The following MYO9B variants were observed in gnomAD, a reference collection of about 807,000 sequenced individuals.
The protein encoded by MYO9B is myosin IXB.
Under a neutral mutation model 229.5 loss-of-function variants are expected in MYO9B, and 71 were observed. That is an observed-to-expected ratio of 0.31 (90% CI 0.26 to 0.38). MYO9B has a LOEUF of 0.38. Among genes scored for constraint, MYO9B ranks in the 10% least tolerant of loss-of-function variants. The pLI is 1.00. For missense variants in MYO9B, 2,255 were observed against 2,920.5 expected (o/e 0.77, Z 5.25); for synonymous variants, 1,185 against 1,235.8 (o/e 0.96, Z 0.86).
In MYO9B at chr19:17,211,663, C is replaced by A; in HGVS notation, c.5947C>A (p.Arg1983=). The A allele has an allele frequency of 6.2e-7, 1 of 1,606,470 alleles. No individual in the cohort carries two copies. Among genetic ancestry groups the A allele is most frequent in the South Asian group, 1.1e-5 (1 of 90,614 alleles). Residue 1983 remains arginine, a synonymous_variant, in exon 39 of 40, where the codon CGG becomes AGG. Transcript: ENST00000682292. ...IKEEKEDITY[R]LPELDPRGSD... The stretch of plus-strand genomic sequence containing the variant: ...TTCCTCCAGGGAGGACATCACCTAC[C>A]GGCTGCCGGAGCTGGACCCAAGGGG...
Position 17,185,934 on chromosome 19 carries a change from A to G in MYO9B, c.2510A>G (p.Lys837Arg), listed in dbSNP as rs1385541490. ...TTCCCTTAACAGACATCCCTTAACAAGCTCTTGGAGGCACTGGGGAAGGCG... is the reference window on the plus strand; with the variant it reads ...TTCCCTTAACAGACATCCCTTAACAGGCTCTTGGAGGCACTGGGGAAGGCG... Reference protein sequence around the residue: ...ISAQFQTSLNKLLEALGKAEP... With the variant: ...ISAQFQTSLNRLLEALGKAEP... Residue 837 changes from lysine (K) to arginine (R), a missense_variant, in exon 18 of 40, where the codon AAG becomes AGG. By Grantham distance (26) the Lys-to-Arg change is conservative (BLOSUM62 2). Coordinates refer to ENST00000682292, the MANE Select transcript of MYO9B (RefSeq NM_004145.4). 1.2e-6 allele frequency: 2 copies of G among 1,613,824 alleles called. No individual in the cohort carries two copies. The highest frequency in any genetic ancestry group is 2.2e-5 in the East Asian group (1 of 44,872).
chr19:17,101,729 A>C lies in MYO9B; in HGVS notation c.12A>C (p.Lys4Asn). 1 of 1,579,834 alleles carries C rather than the reference A, an allele frequency of 6.3e-7. No individual in the cohort carries two copies. The highest frequency in any genetic ancestry group is 8.6e-7 in the Non-Finnish European group (1 of 1,169,220). The change falls in exon 2 of 40, where the codon AAA becomes AAC. Residue 4 changes from lysine to asparagine, a missense_variant. Around this residue, in one of 7 missense-constraint regions of MYO9B, gnomAD observed 386 missense variants for 515.2 expected, o/e 0.75. Coordinates refer to ENST00000682292, the MANE Select transcript of MYO9B (RefSeq NM_004145.4). The surrounding 1 kb of genome is among the most constrained non-coding windows in gnomAD (Gnocchi z 4.7). ...AGGCGGCCGGCAGGATGAGTGTGAAAGAGGCAGGCAGCTCGGGCCGCCGGG... is the reference window on the plus strand; with the variant it reads ...AGGCGGCCGGCAGGATGAGTGTGAACGAGGCAGGCAGCTCGGGCCGCCGGG... MSV[K>N]EAGSSGRREQ... is the part of the protein sequence containing the mutation.
intron 10 of MYO9B, among the ~76,000 whole-genome samples, chr19:17,164,218 A>C (rs1198995714): frequency 6.6e-6 from 1 of 152,166 alleles, no homozygotes; most frequent in Non-Finnish European, 1.5e-5. Context: ...GGAAAACTTA[A>C]GAAAACCCAC....
intron 2 of MYO9B, among the ~76,000 whole-genome samples, chr19:17,120,274 G>A (rs1426236221): frequency 1.3e-5 from 2 of 152,166 alleles, no homozygotes; most frequent in South Asian, 2.1e-4. Flanking sequence ...TGGAGTGAGC[G>A]CCCAAGACAG....
chr19:17,163,209 T>TAC, intron 10 of MYO9B, 87 bp downstream of exon 10: 1 of 1,412,498 alleles, frequency 7.1e-7, no homozygotes, highest in Non-Finnish European at 9.6e-7. Context: ...TTGTAAATAT[T>TAC]CAGTTCAGCG....
intron 1 of MYO9B, among the ~76,000 whole-genome samples, chr19:17,085,897 G>A (rs1377085339): frequency 6.6e-6 from 1 of 152,026 alleles, no homozygotes; most frequent in African/African-American, 2.4e-5. Context: ...TTCCAGACCC[G>A]CGTCCCTGGC....
chr19:17,102,915 AAAAAG>A (rs909304990), intron 2 of MYO9B, among the ~76,000 whole-genome samples: 1 of 150,346 alleles, frequency 6.7e-6, no homozygotes, highest in Admixed American at 6.6e-5. Context: ...TCAAAAAAAA[AAAAAG>A]AAAGAAATTT....
At chr19:17,150,136 C>T (rs986562405) in intron 3 of MYO9B, among the ~76,000 whole-genome samples, 7 of 152,202 alleles carry the variant, frequency 4.6e-5, no homozygotes, top group Admixed American at 1.3e-4. Context: ...TTGGGCTGGG[C>T]GCGGTGGCTC....
At chr19:17,148,487 T>C (rs1440123045) in intron 3 of MYO9B, among the ~76,000 whole-genome samples, 3 of 152,232 alleles carry the variant, frequency 2.0e-5, no homozygotes, top group African/African-American at 4.8e-5. Flanking sequence ...GGAAAGATCC[T>C]GGCTACCTCC....
At position 17,172,407 on chromosome 19, in the gene MYO9B, T is replaced by G; in HGVS notation, c.1865T>G (p.Leu622Arg). 6.2e-7 allele frequency: 1 copy of G among 1,613,968 alleles called. No homozygotes were observed. Among genetic ancestry groups the G allele is most frequent in the Non-Finnish European group, 8.5e-7 (1 of 1,179,866 alleles). ...KQQHEDNKYFLGTPVMEPAFI... is the reference protein window; with the variant it reads ...KQQHEDNKYFRGTPVMEPAFI... ...CAACATGAGGACAATAAGTACTTCC[T>G]GGGCACCCCGGTCATGGAGCCAGCT... The change falls in exon 12 of 40, where the codon CTG becomes CGG. Residue 622 changes from leucine to arginine, a missense_variant. Coordinates refer to ENST00000682292, the MANE Select transcript of MYO9B (RefSeq NM_004145.4). This position sits in a 1 kb window ranked among gnomAD's most constrained non-coding sequence, Gnocchi z 8.2.
chr19:17,202,056 A>G (rs373082946), intron 27 of MYO9B, 32 bp downstream of exon 27: 3 of 1,611,134 alleles, frequency 1.9e-6, no homozygotes, highest in Admixed American at 3.4e-5. Flanking sequence ...AGCCTTTCCC[A>G]TACCCTGCTC....
chr19:17,120,876 G>T (rs892691252), intron 2 of MYO9B, among the ~76,000 whole-genome samples: 4 of 152,158 alleles, frequency 2.6e-5, no homozygotes, highest in Non-Finnish European at 5.9e-5. Context: ...TAACTCAGAA[G>T]ACTGAAGCAG....
intron 2 of MYO9B, among the ~76,000 whole-genome samples, chr19:17,136,461 C>T (rs2072270820): frequency 6.6e-6 from 1 of 152,128 alleles, no homozygotes; most frequent in East Asian, 1.9e-4. Flanking sequence ...CATATGGGAA[C>T]CTATGGAAGG....
At chr19:17,089,981 G>T (rs1293596625) in intron 1 of MYO9B, among the ~76,000 whole-genome samples, 2 of 152,040 alleles carry the variant, frequency 1.3e-5, no homozygotes, top group Non-Finnish European at 2.9e-5. Context: ...TGTGTCTGTG[G>T]ATTTGTCTGT....
intron 3 of MYO9B, among the ~76,000 whole-genome samples, chr19:17,148,048 G>C (rs1412008854): frequency 6.6e-6 from 1 of 152,078 alleles, no homozygotes; most frequent in African/African-American, 2.4e-5. Flanking sequence ...CTTCCCACCA[G>C]CAGTGCACAA....
At chr19:17,206,491 C>A in intron 33 of MYO9B, 115 bp downstream of exon 33, 1 of 1,463,076 alleles carries the variant, frequency 6.8e-7, no homozygotes, top group East Asian at 2.4e-5. Context: ...AACTGAGGCC[C>A]AAAGCAGTCG....
chr19:17,117,727 C>T (rs1423007396), intron 2 of MYO9B, among the ~76,000 whole-genome samples: 1 of 151,988 alleles, frequency 6.6e-6, no homozygotes, highest in Non-Finnish European at 1.5e-5. Flanking sequence ...CACTTGAGGT[C>T]AGGAGTTGGA....
chr19:17,110,410 T>C (rs2057836393), intron 2 of MYO9B, among the ~76,000 whole-genome samples: 1 of 152,112 alleles, frequency 6.6e-6, no homozygotes, highest in Admixed American at 6.5e-5. Context: ...GGGCTGTGGA[T>C]AGAGCACCTT....
chr19:17,123,037 C>T (rs1371328581), intron 2 of MYO9B, among the ~76,000 whole-genome samples: 2 of 151,958 alleles, frequency 1.3e-5, no homozygotes, highest in African/African-American at 2.4e-5. Context: ...AAGTGAGCTA[C>T]GATCACACCA....
Sources: gnomAD v4.1 joint callset for allele counts (sites outside exome capture counted in the v4.1 genomes callset) on GRCh38, gnomAD v4.1.1 for gene constraint, gnomAD v4.1.1 regional missense constraint, Gnocchi (gnomAD v3.1) non-coding constraint, MANE v1.5 for transcripts, NCBI Gene and HGNC (gene_info 2026-07-23, HGNC 2026-07-21) for gene names.